The following DNAJC1 variants were observed in gnomAD, a reference collection of about 807,000 sequenced individuals.
DNAJC1 encodes the protein DnaJ heat shock protein family (Hsp40) member C1.
In DNAJC1, 58 loss-of-function variants were observed where a neutral mutation model predicts 76.6. The observed-to-expected ratio is 0.76, with a 90% CI of 0.61 to 0.94. The LOEUF is 0.94. Among genes scored for constraint, DNAJC1 ranks in the 40% least tolerant of loss-of-function variants. The pLI is 0.00. For missense variants in DNAJC1, 689 were observed against 677.3 expected, an observed-to-expected ratio of 1.02 and a Z score of -0.19; for synonymous variants, 258 against 267.9, an observed-to-expected ratio of 0.96 and a Z score of 0.36.
At chr10:21,947,991 T>C (rs779941392) in intron 1 of DNAJC1, among the ~76,000 whole-genome samples, 2 of 152,098 alleles carry the variant, frequency 1.3e-5, no homozygotes, top group Non-Finnish European at 1.5e-5. Context: ...GGCAAATACA[T>C]AGTTTGATTT....
At chr10:21,814,644 A>C (rs765513963) in intron 8 of DNAJC1, among the ~76,000 whole-genome samples, 2 of 152,160 alleles carry the variant, frequency 1.3e-5, no homozygotes, top group East Asian at 3.9e-4. Context: ...AATGACAGCA[A>C]AATGTCTCAA....
chr10:21,802,733 T>C (rs2131639951), intron 9 of DNAJC1, among the ~76,000 whole-genome samples: 1 of 152,214 alleles, frequency 6.6e-6, no homozygotes, highest in Admixed American at 6.6e-5. Context: ...GCAGAATCAG[T>C]TTACATCCTT....
intron 10 of DNAJC1, among the ~76,000 whole-genome samples, chr10:21,760,407 C>T (rs1015010395): frequency 1.3e-5 from 2 of 152,234 alleles, no homozygotes; most frequent in Non-Finnish European, 2.9e-5. Flanking sequence ...ACAAAGAACA[C>T]AGCTCACAAA....
Position 21,813,186 on chromosome 10 carries a change from CT to C in DNAJC1, c.979-7088del, listed in dbSNP as rs1835007005. 3.4e-4 allele frequency among the ~76,000 whole-genome samples: 10 copies of C among 29,236 alleles called. No individual in the cohort carries two copies. The South Asian group carries it at 0.013, about 39-fold the overall frequency. The allele number at this position is 29,236 out of a possible 152,430, so 19.2% of individuals were successfully genotyped here. On this transcript the variant is annotated intron_variant, in intron 8 of 11. Transcript: ENST00000376980. Reference sequence around the variant, plus strand: ...TCTCTCTCTCTCTCCCTCTCTCTCTCTCTCTCTCTCTCTCTCTCTCTCTCTC... The same window carrying C: ...TCTCTCTCTCTCTCCCTCTCTCTCTCCTCTCTCTCTCTCTCTCTCTCTCTC...
intron 8 of DNAJC1, among the ~76,000 whole-genome samples, chr10:21,862,930 C>G (rs777964296): frequency 4.6e-5 from 7 of 152,002 alleles, no homozygotes. Context: ...GTTGGGAGTT[C>G]GAGACCAGCC....
At chr10:21,909,365 T>C (rs776163234) in intron 6 of DNAJC1, among the ~76,000 whole-genome samples, 10 of 152,384 alleles carry the variant, frequency 6.6e-5, no homozygotes, top group Middle Eastern at 3.4e-3. Flanking sequence ...TGCTTATTTA[T>C]TGAACCATTA....
At chr10:21,943,067 T>C (rs1393891971) in intron 1 of DNAJC1, among the ~76,000 whole-genome samples, 1 of 151,738 alleles carries the variant, frequency 6.6e-6, no homozygotes, top group African/African-American at 2.4e-5. Context: ...AAAGTTTAAA[T>C]TACAAATAGC....
chr10:21,927,485 T>C (rs568240044), intron 3 of DNAJC1, among the ~76,000 whole-genome samples: 1 of 152,294 alleles, frequency 6.6e-6, no homozygotes, highest in East Asian at 1.9e-4. Flanking sequence ...CCAGGTGTTG[T>C]TTTGTTTTGT....
At chr10:21,872,808 A>G (rs1335244793) in intron 8 of DNAJC1, among the ~76,000 whole-genome samples, 2 of 152,210 alleles carry the variant, frequency 1.3e-5, no homozygotes, top group Non-Finnish European at 2.9e-5. Context: ...TTGAAGCTCA[A>G]TGAACTCCAA....
At chr10:21,955,571 T>C (rs1036127242) in intron 1 of DNAJC1, among the ~76,000 whole-genome samples, 1 of 152,114 alleles carries the variant, frequency 6.6e-6, no homozygotes, top group African/African-American at 2.4e-5. Context: ...TTTATAAACA[T>C]GATGTTTTGA....
At chr10:21,949,244 T>C (rs1221764510) in intron 1 of DNAJC1, among the ~76,000 whole-genome samples, 1 of 152,068 alleles carries the variant, frequency 6.6e-6, no homozygotes, top group Non-Finnish European at 1.5e-5. Context: ...ATTGTTGAAA[T>C]AATTTTTGGA....
chr10:21,901,603 C>G (rs1836655725), intron 7 of DNAJC1, among the ~76,000 whole-genome samples: 1 of 152,100 alleles, frequency 6.6e-6, no homozygotes, highest in African/African-American at 2.4e-5. Context: ...TAAGAAATCA[C>G]CCTTTTCACT....
At chr10:21,940,112 G>A (rs775941427) in intron 1 of DNAJC1, among the ~76,000 whole-genome samples, 2 of 151,682 alleles carry the variant, frequency 1.3e-5, no homozygotes, top group Non-Finnish European at 2.9e-5. Context: ...AGTATCTTCA[G>A]GATTATAGGA....
Position 21,805,439 on chromosome 10 carries a change from GACACAC to G in DNAJC1, c.1098+535_1098+540del, listed in dbSNP as rs10657199. ...ATTTATCTTTTAAATGTTACGTATG[GACACAC>G]ACACACACACACACACACACACACA... On this transcript the variant is annotated intron_variant, in intron 9 of 11. Coordinates refer to ENST00000376980, the MANE Select transcript of DNAJC1 (RefSeq NM_022365.4). Among the ~76,000 whole-genome samples the G allele has an allele frequency of 5.2e-4, 74 of 142,856 alleles. No individual in the cohort carries two copies. The South Asian group carries it at 5.3e-3, about 10-fold the overall frequency. The allele number at this position is 142,856 out of a possible 152,430, so 93.7% of individuals were successfully genotyped here. A position where few individuals can be genotyped will look rare whatever the true frequency, so the allele number is the denominator to read the frequency against.
At chr10:22,001,701 T>TAA (rs1224765774) in intron 1 of DNAJC1, among the ~76,000 whole-genome samples, 1 of 152,232 alleles carries the variant, frequency 6.6e-6, no homozygotes, top group Non-Finnish European at 1.5e-5. Flanking sequence ...TCTGTTCTCT[T>TAA]AAAGGCACTT....
At chr10:21,811,142 C>G (rs1834958343) in intron 8 of DNAJC1, among the ~76,000 whole-genome samples, 2 of 152,196 alleles carry the variant, frequency 1.3e-5, no homozygotes. Context: ...TCGGGACATA[C>G]AAATGAAAGG....
chr10:21,976,308 T>C (rs992266601), intron 1 of DNAJC1, among the ~76,000 whole-genome samples: 1 of 152,188 alleles, frequency 6.6e-6, no homozygotes, highest in African/African-American at 2.4e-5. Context: ...AATGAACATA[T>C]TGTAAAATGT....
rs1275723988 is a variant in DNAJC1 at position 21,766,255 on chromosome 10, A to T, written c.1147+6T>A. The T allele has an allele frequency of 6.2e-7, 1 of 1,608,076 alleles. No individual in the cohort carries two copies. The highest frequency in any genetic ancestry group is 8.5e-7 in the Non-Finnish European group (1 of 1,174,744). On this transcript the variant is annotated splice_donor_region_variant and intron_variant, in intron 10 of 11. Coordinates refer to ENST00000376980, the MANE Select transcript of DNAJC1 (RefSeq NM_022365.4). The stretch of plus-strand genomic sequence containing the variant: ...GATTAATGAGATAGAGGAAGTATGA[A>T]CTCACCTGGGGAGCAGGTCACTGAA...
intron 3 of DNAJC1, among the ~76,000 whole-genome samples, chr10:21,925,582 T>A (rs1590051804): frequency 6.6e-6 from 1 of 152,166 alleles, no homozygotes; most frequent in Non-Finnish European, 1.5e-5. Flanking sequence ...GGTATATCCA[T>A]ACAATGGAAT....
Sources: gnomAD v4.1 joint callset for allele counts (sites outside exome capture counted in the v4.1 genomes callset) on GRCh38, gnomAD v4.1.1 for gene constraint, MANE v1.5 for transcripts, NCBI Gene and HGNC (gene_info 2026-07-23, HGNC 2026-07-21) for gene names.